The following PTPRE variants were observed in gnomAD, a reference collection of about 807,000 sequenced individuals.
PTPRE encodes the protein receptor-type tyrosine-protein phosphatase epsilon.
Under a neutral mutation model 102.0 loss-of-function variants are expected in PTPRE, and 51 were observed. The ratio of observed to expected loss-of-function variants is 0.50; its 90% confidence interval spans 0.40 to 0.63. The LOEUF is 0.63. Ranked by LOEUF, PTPRE falls within the 30% of genes least tolerant of loss-of-function variation. The pLI, the probability that PTPRE is intolerant of heterozygous loss-of-function variation, is 0.00. For missense variants in PTPRE, 752 were observed against 915.1 expected, an observed-to-expected ratio of 0.82 and a Z score of 2.30; for synonymous variants, 345 against 348.2, an observed-to-expected ratio of 0.99 and a Z score of 0.10.
intron 8 of PTPRE, 128 bp from the exon 9 acceptor site, chr10:128,061,551 T>C: frequency 8.5e-7 from 1 of 1,172,220 alleles, no homozygotes; most frequent in Non-Finnish European, 1.2e-6. Flanking sequence ...TCTTTCCTTC[T>C]TAACCTTTTC....
chr10:128,064,220 C>T (rs1002589281), intron 10 of PTPRE, among the ~76,000 whole-genome samples: 1 of 152,182 alleles, frequency 6.6e-6, no homozygotes, highest in African/African-American at 2.4e-5. Context: ...TGCTCTGGTC[C>T]CCGCAGTGCC....
chr10:127,930,797 CT>C lies in PTPRE; in HGVS notation c.-31+23502del, dbSNP rs199628202. On this transcript the variant is annotated intron_variant, in intron 1 of 20. Transcript: ENST00000254667. ...TATTTATTTTTTATTTATTTATTTA[CT>C]TTTTTTTTTTTTTGAGATGGAGTCT... 4.9e-3 allele frequency among the ~76,000 whole-genome samples: 699 copies of C among 143,772 alleles called. 1 individual carries two copies. Among genetic ancestry groups the C allele is most frequent in the Middle Eastern group, 0.026 (7 of 274 alleles). The allele number at this position is 143,772 out of a possible 152,430, so 94.3% of individuals were successfully genotyped here.
At chr10:127,953,249 C>T (rs950993208) in intron 1 of PTPRE, among the ~76,000 whole-genome samples, 5 of 152,222 alleles carry the variant, frequency 3.3e-5, no homozygotes, top group East Asian at 1.9e-4. Flanking sequence ...GTGGTGCTTG[C>T]GGTGTCAGTG....
At chr10:127,965,808 T>TC (rs1850204833) in intron 1 of PTPRE, among the ~76,000 whole-genome samples, 1 of 152,178 alleles carries the variant, frequency 6.6e-6, no homozygotes, top group Admixed American at 6.5e-5. Context: ...CCAGCCAGTC[T>TC]CCACCTCTTT....
chr10:127,992,907 G>C (rs1197632092), intron 2 of PTPRE, among the ~76,000 whole-genome samples: 1 of 152,172 alleles, frequency 6.6e-6, no homozygotes. Context: ...AGAACAAGTA[G>C]CCCCTTTCTG....
At chr10:128,056,718 G>A (rs138626512) in intron 7 of PTPRE, among the ~76,000 whole-genome samples, 3,144 of 152,228 alleles carry the variant, frequency 0.021, 40 homozygotes, top group South Asian at 0.04. Flanking sequence ...GCTCTGAATC[G>A]ACCTGATTTA....
At chr10:128,067,830 G>A (rs1341644898) in intron 11 of PTPRE, among the ~76,000 whole-genome samples, 1 of 152,212 alleles carries the variant, frequency 6.6e-6, no homozygotes. Flanking sequence ...TTGCACGGGG[G>A]TCTGTGAGCA....
Position 127,944,527 on chromosome 10 carries a change from G to C in PTPRE, c.-31+37218G>C, listed in dbSNP as rs926233532. ...GGATGGATGGATGGGTGGATGGATG[G>C]ATAAATGGATGGATGGATAAGTGGA... On this transcript the variant is annotated intron_variant, in intron 1 of 20. Transcript: ENST00000254667. The surrounding 1 kb of genome is among the most constrained non-coding windows in gnomAD (Gnocchi z 4.2). Among the ~76,000 whole-genome samples the C allele has an allele frequency of 1.4e-5, 2 of 147,864 alleles. No homozygotes were observed. Among genetic ancestry groups the C allele is most frequent in the Non-Finnish European group, 3.0e-5 (2 of 67,020 alleles).
intron 1 of PTPRE, among the ~76,000 whole-genome samples, chr10:127,977,225 G>A (rs565233550): frequency 1.6e-4 from 24 of 152,272 alleles, no homozygotes; most frequent in African/African-American, 5.1e-4. Flanking sequence ...ACTTGGCTCC[G>A]GGAGCTGGTC....
intron 2 of PTPRE, among the ~76,000 whole-genome samples, chr10:127,992,009 A>T (rs1408712326): frequency 6.6e-6 from 1 of 152,120 alleles, no homozygotes; most frequent in Admixed American, 6.5e-5. Context: ...CAGTGAGCCC[A>T]CCGGGTGAGC....
chr10:128,005,435 G>A (rs182709850), intron 2 of PTPRE, among the ~76,000 whole-genome samples: 19 of 152,316 alleles, frequency 1.2e-4, no homozygotes, highest in Admixed American at 1.1e-3. Context: ...TAACCCAAGA[G>A]CCTTACACAG....
At chr10:127,948,963 CTG>C (rs1227889850) in intron 1 of PTPRE, among the ~76,000 whole-genome samples, 3 of 152,270 alleles carry the variant, frequency 2.0e-5, no homozygotes, top group African/African-American at 7.2e-5. Context: ...GGAAAGGTGA[CTG>C]TGTCGATCTG....
At chr10:128,047,065 C>A (rs116562538) in intron 3 of PTPRE, among the ~76,000 whole-genome samples, 1,912 of 152,336 alleles carry the variant, frequency 0.013, 39 homozygotes, top group African/African-American at 0.044. Context: ...ACACCGGCCC[C>A]TTCACCCTTC....
At chr10:127,929,755 C>T (rs1005919963) in intron 1 of PTPRE, 1 of 152,100 alleles carries the variant, frequency 6.6e-6, no homozygotes, top group African/African-American at 2.4e-5. Context: ...ATCCTCTATG[C>T]CTTTAAAACA....
chr10:128,034,399 G>A (rs1847034774), intron 2 of PTPRE, among the ~76,000 whole-genome samples: 1 of 150,556 alleles, frequency 6.6e-6, no homozygotes, highest in African/African-American at 2.5e-5. Flanking sequence ...TGAAAACAAA[G>A]GTTATGGCTG....
intron 2 of PTPRE, among the ~76,000 whole-genome samples, chr10:127,997,936 G>A (rs1054238885): frequency 2.6e-5 from 4 of 152,112 alleles, no homozygotes; most frequent in South Asian, 2.1e-4. Context: ...GTCCCCATTC[G>A]TCATCACTGT....
chr10:127,936,924 T>C (rs1847882943), intron 1 of PTPRE, among the ~76,000 whole-genome samples: 1 of 152,144 alleles, frequency 6.6e-6, no homozygotes. Flanking sequence ...TTGCTGTTGC[T>C]CTCTAAAGGG....
intron 2 of PTPRE, among the ~76,000 whole-genome samples, chr10:128,035,964 CCAGA>C (rs1847177997): frequency 6.6e-6 from 1 of 152,128 alleles, no homozygotes; most frequent in African/African-American, 2.4e-5. Flanking sequence ...TTACACAGGG[CCAGA>C]CAGTGTGATG....
chr10:128,060,466 C>T (rs1849486454), intron 7 of PTPRE, among the ~76,000 whole-genome samples: 1 of 152,186 alleles, frequency 6.6e-6, no homozygotes, highest in African/African-American at 2.4e-5. Flanking sequence ...TCCACTTGTC[C>T]TCATGGGGCT....
Sources: allele counts gnomAD v4.1 joint callset (sites outside exome capture counted in the v4.1 genomes callset), GRCh38; gene constraint gnomAD v4.1.1; non-coding constraint Gnocchi (gnomAD v3.1); transcripts MANE v1.5; gene names NCBI Gene and HGNC (gene_info 2026-07-23, HGNC 2026-07-21).